FAAH: variants seen among roughly 807,000 people sequenced by gnomAD.
FAAH encodes the protein fatty-acid amide hydrolase 1.
A neutral mutation model predicts 69.7 loss-of-function variants in FAAH; 63 were observed. The ratio of observed to expected loss-of-function variants is 0.90; its 90% CI spans 0.74 to 1.12. The LOEUF is 1.12. Ranked by LOEUF, FAAH falls within the 50% of genes most tolerant of loss-of-function variation. The pLI, the probability that FAAH is intolerant of heterozygous loss-of-function variation, is 0.00. For synonymous variants in FAAH, 305 were observed against 324.2 expected (o/e 0.94, Z 0.64); for missense variants, 680 against 755.0 (o/e 0.90, Z 1.16).
intron 1 of FAAH, among the ~76,000 whole-genome samples, chr1:46,398,002 C>T (rs547376677): frequency 6.3e-4 from 91 of 145,376 alleles, no homozygotes; most frequent in South Asian, 2.2e-3. Context: ...GGTGCAATCT[C>T]GGCTCACTGC....
chr1:46,405,972 C>T lies in FAAH; in HGVS notation c.786-66C>T, dbSNP rs370766064. 13 of 1,613,516 alleles carry T rather than the reference C, an allele frequency of 8.1e-6. No homozygotes were observed. Among genetic ancestry groups the T allele is most frequent in the Non-Finnish European group, 1.1e-5 (13 of 1,179,914 alleles). ...AAAGCGGTGAGTGTTCAGAGCTGCT[C>T]TGTGGGTGTGGGGATGGCGGCGGGT... On this transcript the variant is annotated intron_variant, in intron 5 of 14. Transcript: ENST00000243167. This position sits in a 1 kb window ranked among gnomAD's most constrained non-coding sequence, Gnocchi z 4.1.
chr1:46,406,239 C>T lies in FAAH; in HGVS notation c.827-5C>T. ...GCTTACCTCCCTCACCTCTCTGCCCCACAGTGCGTCTCTCCGTGGGCCCCA... is the reference window on the plus strand; with the variant it reads ...GCTTACCTCCCTCACCTCTCTGCCCTACAGTGCGTCTCTCCGTGGGCCCCA... On this transcript the variant is annotated splice_polypyrimidine_tract_variant and splice_region_variant and intron_variant, in intron 6 of 14. Coordinates refer to ENST00000243167, the MANE Select transcript of FAAH (RefSeq NM_001441.3). 6.2e-7 allele frequency: 1 copy of T among 1,614,060 alleles called. No individual in the cohort carries two copies. The highest frequency in any genetic ancestry group is 8.5e-7 in the Non-Finnish European group (1 of 1,180,052).
chr1:46,405,751 TTCTGCGGCA>T lies in FAAH; in HGVS notation c.751_759del (p.Ile251_Gly253del), dbSNP rs756186570. The T allele has an allele frequency of 7.4e-6, 12 of 1,613,516 alleles. No individual in the cohort carries two copies. The highest frequency in any genetic ancestry group is 1.7e-4 in the Middle Eastern group (1 of 6,048). On this transcript the variant is annotated inframe_deletion, in exon 5 of 15. Transcript: ENST00000243167. This position sits in a 1 kb window ranked among gnomAD's most constrained non-coding sequence, Gnocchi z 4.1. Reference sequence around the variant, plus strand: ...AGGCAGCATCCGCTTCCCCTCCTCCTTCTGCGGCATCTGCGGCCTCAAGCCCACAGGGAA... The same window carrying T: ...AGGCAGCATCCGCTTCCCCTCCTCCTTCTGCGGCCTCAAGCCCACAGGGAA...
chr1:46,412,297 T>G, intron 13 of FAAH, 46 bp downstream of exon 13: 2 of 1,450,946 alleles, frequency 1.4e-6, no homozygotes, highest in Non-Finnish European at 1.9e-6. Flanking sequence ...TCTGGCCATG[T>G]GCCCTGCAGG....
intron 7 of FAAH, among the ~76,000 whole-genome samples, chr1:46,407,169 GAC>G (rs1194244649): frequency 1.3e-5 from 2 of 152,068 alleles, no homozygotes; most frequent in East Asian, 3.9e-4. Context: ...CTGTTGCTGA[GAC>G]AGGCTGGGCT....
chr1:46,405,078 T>C lies in FAAH; in HGVS notation c.374T>C (p.Leu125Pro). 1 of 1,614,022 alleles carries C rather than the reference T, an allele frequency of 6.2e-7. No individual in the cohort carries two copies. The highest frequency in any genetic ancestry group is 8.5e-7 in the Non-Finnish European group (1 of 1,179,996). ...TATCTGGCTGACTGTGAGACTCAGC[T>C]GTCTCAGGCCCCAAGGCAGGGCCTG... ...TSYLADCETQ[L>P]SQAPRQGLLY... Residue 125 changes from leucine (L) to proline (P), a missense_variant, in exon 3 of 15, where the codon CTG (leucine) becomes CCG (proline). By Grantham distance (98) the Leu-to-Pro change is moderately conservative (BLOSUM62 -3). Coordinates refer to ENST00000243167, the MANE Select transcript of FAAH (RefSeq NM_001441.3). The surrounding 1 kb of genome is among the most constrained non-coding windows in gnomAD (Gnocchi z 4.1).
chr1:46,406,500 TC>T (rs1664798248), intron 7 of FAAH, 132 bp downstream of exon 7: 1 of 1,244,622 alleles, frequency 8.0e-7, no homozygotes, highest in Non-Finnish European at 1.1e-6. Context: ...GGCGGGTTGC[TC>T]CTCCACAGAC....
Position 46,408,965 on chromosome 1 carries a change from G to C in FAAH, c.1078-136G>C, listed in dbSNP as rs527784583. On this transcript the variant is annotated intron_variant, in intron 8 of 14. Coordinates refer to ENST00000243167, the MANE Select transcript of FAAH (RefSeq NM_001441.3). ...CAGTGAGTTTTCATGGGTCAGTAAG[G>C]CTGCCTTTGTAGCTCTAGTGAGAGC... is the stretch of plus-strand genomic sequence containing the variant. 7 of 755,402 alleles carry C rather than the reference G, an allele frequency of 9.3e-6. No homozygotes were observed. In the African/African-American group the frequency reaches 1.0e-4, roughly 11 times the overall value. The allele number at this position is 755,402 out of a possible 1,614,324, so 46.8% of individuals were successfully genotyped here.
At position 46,410,857 on chromosome 1, in the gene FAAH, A is replaced by G. The variant is rs78008000; in HGVS notation, c.1316+3A>G. ...TTCCTCAGCAACATGAAGTCTCGGT[A>G]AGGGTTCTTCTGTGTCTAGCTGCCG... On this transcript the variant is annotated splice_donor_region_variant and intron_variant, in intron 11 of 14. Transcript: ENST00000243167. This position sits in a 1 kb window ranked among gnomAD's most constrained non-coding sequence, Gnocchi z 4.9. 1.7e-3 allele frequency: 2,785 copies of G among 1,614,080 alleles called. 31 individuals carry two copies. In the East Asian group the frequency reaches 0.021, roughly 12 times the overall value.
In FAAH at chr1:46,410,380, G is replaced by C; in HGVS notation, c.1176-18G>C. 1 of 1,607,990 alleles carries C rather than the reference G, an allele frequency of 6.2e-7. No individual in the cohort carries two copies. Among genetic ancestry groups the C allele is most frequent in the Non-Finnish European group, 8.5e-7 (1 of 1,174,424 alleles). ...ATGTGGGGATGGGAGTGCCTGGACC[G>C]AGCATTTTGTTTCCCAGCAAAGGTG... On this transcript the variant is annotated intron_variant, in intron 9 of 14. Coordinates refer to ENST00000243167, the MANE Select transcript of FAAH (RefSeq NM_001441.3). The surrounding 1 kb of genome is among the most constrained non-coding windows in gnomAD (Gnocchi z 4.9).
chr1:46,408,694 C>A, intron 8 of FAAH, 110 bp downstream of exon 8: 1 of 1,550,432 alleles, frequency 6.4e-7, no homozygotes, highest in South Asian at 1.1e-5. Flanking sequence ...ACGATGTTGT[C>A]GTCGGGGTGA....
At chr1:46,413,313 C>T in intron 14 of FAAH, 93 bp downstream of exon 14, 2 of 1,610,484 alleles carry the variant, frequency 1.2e-6, no homozygotes, top group Non-Finnish European at 1.7e-6. Context: ...GGTTTGCCAG[C>T]CTTTCTTAAG....
chr1:46,405,900 G>T lies in FAAH; in HGVS notation c.785+106G>T. On this transcript the variant is annotated intron_variant, in intron 5 of 14. Transcript: ENST00000243167. This position sits in a 1 kb window ranked among gnomAD's most constrained non-coding sequence, Gnocchi z 4.1. ...GGATTCGGTCTCCGGGGTTTTGCTG[G>T]GAGGAAGCATTACAGTACCACTGGC... The T allele has an allele frequency of 6.2e-7, 1 of 1,608,774 alleles. No individual in the cohort carries two copies. Among genetic ancestry groups the T allele is most frequent in the East Asian group, 2.2e-5 (1 of 44,800 alleles).
intron 1 of FAAH, 104 bp downstream of exon 1, chr1:46,394,647 A>T: frequency 2.0e-6 from 2 of 1,008,586 alleles, no homozygotes; most frequent in Non-Finnish European, 2.6e-6. Flanking sequence ...CGGGCAGAGC[A>T]GATGTGTAAC....
chr1:46,402,114 G>C lies in FAAH; in HGVS notation c.219G>C (p.Ala73=), dbSNP rs199931641. 6.2e-7 allele frequency: 1 copy of C among 1,609,354 alleles called. No individual in the cohort carries two copies. Among genetic ancestry groups the C allele is most frequent in the Non-Finnish European group, 8.5e-7 (1 of 1,177,842 alleles). Reference sequence around the variant, plus strand: ...AGAACCCAGACCTGGACTCAGAGGCGCTGCTAGCCCTGCCCCTGCCTCAGC... The same window carrying C: ...AGAACCCAGACCTGGACTCAGAGGCCCTGCTAGCCCTGCCCCTGCCTCAGC... The part of the protein sequence containing the change: ...RLQNPDLDSE[A]LLALPLPQLV... The change falls in exon 2 of 15, where the codon GCG becomes GCC. Residue 73 remains alanine (A), a synonymous_variant. Transcript: ENST00000243167.
rs1363561715 is a variant in FAAH, at chr1:46,405,464, C to T, written c.537C>T (p.Ala179=). The change falls in exon 4 of 15, where the codon GCC becomes GCT. Residue 179 remains alanine (A), a synonymous_variant. Transcript: ENST00000243167. This position sits in a 1 kb window ranked among gnomAD's most constrained non-coding sequence, Gnocchi z 4.1. ...TGCATGTGCTGAAGCTGCAGGGTGC[C>T]GTGCCCTTCGTGCACACCAATGTTC... The part of the protein sequence containing the change: ...VVVHVLKLQG[A]VPFVHTNVPQ... The T allele has an allele frequency of 9.9e-6, 14 of 1,418,252 alleles. No homozygotes were observed. Among genetic ancestry groups the T allele is most frequent in the East Asian group, 7.4e-5 (2 of 26,862 alleles). 87.9% of individuals were successfully genotyped at this position (1,418,252 alleles called of 1,614,324 possible).
chr1:46,409,367 A>C (rs1664859332), intron 9 of FAAH, 169 bp downstream of exon 9: 6 of 660,000 alleles, frequency 9.1e-6, no homozygotes, highest in Non-Finnish European at 1.7e-5. Context: ...TTGAGCCTGG[A>C]GATCCCTTGC....
rs781292073 is a variant in FAAH, at chr1:46,410,848, A to T, written c.1310A>T (p.Lys437Met). ...CTGTCAGCTTTCCTCAGCAACATGA[A>T]GTCTCGGTAAGGGTTCTTCTGTGTC... ...PRLSAFLSNMKSRSAGKLWEL... is the reference protein window; with the variant it reads ...PRLSAFLSNMMSRSAGKLWEL... Residue 437 changes from lysine (K) to methionine (M), a missense_variant, in exon 11 of 15, where the codon AAG becomes ATG. By Grantham distance (95) the Lys-to-Met change is moderately conservative. Transcript: ENST00000243167. The surrounding 1 kb of genome is among the most constrained non-coding windows in gnomAD (Gnocchi z 4.9). 2.5e-6 allele frequency: 4 copies of T among 1,614,026 alleles called. No individual in the cohort carries two copies. The Admixed American group carries it at 5.0e-5, about 20-fold the overall frequency.
At chr1:46,400,359 G>A (rs1050922309) in intron 1 of FAAH, among the ~76,000 whole-genome samples, 1 of 152,138 alleles carries the variant, frequency 6.6e-6, no homozygotes, top group Non-Finnish European at 1.5e-5. Flanking sequence ...TGGCCCTAGT[G>A]GAAAGTGTGG....
Sources: allele counts gnomAD v4.1 joint callset (sites outside exome capture counted in the v4.1 genomes callset), GRCh38; gene constraint gnomAD v4.1.1; non-coding constraint Gnocchi (gnomAD v3.1); transcripts MANE v1.5; gene names NCBI Gene and HGNC (gene_info 2026-07-23, HGNC 2026-07-21).